Variants in KIF14 observed in about 807,000 individuals in gnomAD.
KIF14 encodes the protein kinesin family member 14.
A neutral mutation model predicts 176.2 loss-of-function variants in KIF14; 98 were observed. The ratio of observed to expected loss-of-function variants is 0.56; its 90% CI spans 0.47 to 0.66. The LOEUF is 0.66. Among genes scored for constraint, KIF14 ranks in the 30% least tolerant of loss-of-function variants. The pLI, the probability that KIF14 is intolerant of heterozygous loss-of-function variation, is 0.00. For missense variants in KIF14, 1,751 were observed against 1,920.4 expected, an observed-to-expected ratio of 0.91 and a Z score of 1.65; for synonymous variants, 566 against 632.2, an observed-to-expected ratio of 0.90 and a Z score of 1.57.
intron 2 of KIF14, 34 bp from the exon 3 acceptor site, chr1:200,615,643 C>T (rs1292946566): frequency 1.9e-6 from 3 of 1,561,416 alleles, no homozygotes; most frequent in Non-Finnish European, 2.6e-6. Context: ...AATCAAGTAA[C>T]TAAAATGATC....
chr1:200,587,848 GT>G (rs1014549727), intron 18 of KIF14, among the ~76,000 whole-genome samples: 1 of 152,038 alleles, frequency 6.6e-6, no homozygotes, highest in South Asian at 2.1e-4. Flanking sequence ...AATCATAATT[GT>G]TTTTCAAGAT....
chr1:200,580,210 T>C, intron 21 of KIF14, 44 bp downstream of exon 21: 1 of 1,102,630 alleles, frequency 9.1e-7, no homozygotes, highest in Non-Finnish European at 1.2e-6. Context: ...TTTTATACTT[T>C]TTTATTTTAA....
chr1:200,559,873 G>C (rs536632903), intron 26 of KIF14, among the ~76,000 whole-genome samples: 1 of 151,752 alleles, frequency 6.6e-6, no homozygotes, highest in East Asian at 1.9e-4. Flanking sequence ...TCCTATCTCA[G>C]CCTCCTGAGT....
At chr1:200,616,179 C>T (rs769998560) in intron 2 of KIF14, among the ~76,000 whole-genome samples, 2 of 152,146 alleles carry the variant, frequency 1.3e-5, no homozygotes, top group African/African-American at 2.4e-5. Context: ...TTTAGATCTA[C>T]AGAAAAACAT....
chr1:200,555,677 T>C (rs1478974479), intron 27 of KIF14, among the ~76,000 whole-genome samples: 1 of 152,136 alleles, frequency 6.6e-6, no homozygotes, highest in Non-Finnish European at 1.5e-5. Context: ...ATAAGTTTAT[T>C]TCACTTTTAA....
intron 14 of KIF14, among the ~76,000 whole-genome samples, chr1:200,597,326 AC>A (rs1659403686): frequency 6.6e-6 from 1 of 152,216 alleles, no homozygotes; most frequent in Admixed American, 6.5e-5. Context: ...AGATATTTAT[AC>A]CAAAAAGCTC....
At chr1:200,586,816 T>TATATATATATATATATATAC (rs1335109060) in intron 18 of KIF14, among the ~76,000 whole-genome samples, 15 of 138,218 alleles carry the variant, frequency 1.1e-4, no homozygotes, top group Admixed American at 5.2e-4. Context: ...TATATATATA[T>TATATATATATATATATATAC]ACACCATGAA....
chr1:200,602,135 C>A, intron 10 of KIF14, 67 bp from the exon 11 acceptor site: 1 of 1,385,736 alleles, frequency 7.2e-7, no homozygotes, highest in Non-Finnish European at 1.0e-6. Flanking sequence ...ATCTAGAAAG[C>A]ACAAAACAAA....
At chr1:200,612,000 C>CTTTTTTT (rs79821962) in intron 4 of KIF14, among the ~76,000 whole-genome samples, 3 of 148,614 alleles carry the variant, frequency 2.0e-5, no homozygotes. Context: ...AGTCCATGCT[C>CTTTTTTT]TTTTTTTTTT....
chr1:200,581,761 C>CTTT (rs66935478), intron 19 of KIF14, among the ~76,000 whole-genome samples: 37 of 83,042 alleles, frequency 4.5e-4, no homozygotes, highest in African/African-American at 1.1e-3. Flanking sequence ...TTTCACTTTC[C>CTTT]TTTTTTTTTT....
chr1:200,553,382 C>T lies in KIF14; in HGVS notation c.*6G>A. ...GGTGGTCATAAAAGTGCCTACACAT[C>T]AGTATTCACACCCACTGAATCCTAC... On this transcript the variant is annotated 3_prime_UTR_variant, in exon 30 of 30. Coordinates refer to ENST00000367350, the MANE Select transcript of KIF14 (RefSeq NM_014875.3). 2.5e-6 allele frequency: 4 copies of T among 1,576,210 alleles called. No individual in the cohort carries two copies. The highest frequency in any genetic ancestry group is 3.4e-6 in the Non-Finnish European group (4 of 1,163,346).
At chr1:200,606,889 G>A (rs1266080646) in intron 5 of KIF14, 91 bp from the exon 6 acceptor site, 12 of 1,048,660 alleles carry the variant, frequency 1.1e-5, no homozygotes, top group Non-Finnish European at 1.8e-5. Flanking sequence ...TGAGTTTAAG[G>A]TAAGAGATTT....
Position 200,618,143 on chromosome 1 carries a change from T to C in KIF14, c.581A>G (p.Lys194Arg). ...DPQVIEMMAD[K>R]KYKETFSAPS... is the part of the protein sequence containing the mutation. ...GGCAGAAAATGTTTCTTTGTATTTCTTATCAGCCATCATTTCAATGACCTG... is the reference window on the plus strand; with the variant it reads ...GGCAGAAAATGTTTCTTTGTATTTCCTATCAGCCATCATTTCAATGACCTG... The change falls in exon 2 of 30, where the codon AAG becomes AGG. Residue 194 changes from lysine (K) to arginine (R), a missense_variant. Lys to Arg is a conservative substitution (Grantham distance 26). Coordinates refer to ENST00000367350, the MANE Select transcript of KIF14 (RefSeq NM_014875.3). The C allele has an allele frequency of 6.2e-7, 1 of 1,614,074 alleles. No individual in the cohort carries two copies. The highest frequency in any genetic ancestry group is 8.5e-7 in the Non-Finnish European group (1 of 1,180,008).
chr1:200,614,127 C>A lies in KIF14; in HGVS notation c.1455+191G>T, dbSNP rs116756958. Among the ~76,000 whole-genome samples, 1,355 of 152,274 alleles carry A rather than the reference C, an allele frequency of 8.9e-3. 14 individuals carry two copies. Among genetic ancestry groups the A allele is most frequent in the African/African-American group, 0.029 (1,219 of 41,536 alleles). ...GAAGAGATGACTTCACTATCACTGC[C>A]CACTAGGTGAAACTGATTCTGAATT... On this transcript the variant is annotated intron_variant, in intron 4 of 29. Transcript: ENST00000367350.
intron 5 of KIF14, 87 bp from the exon 6 acceptor site, chr1:200,606,885 T>C: frequency 9.2e-7 from 1 of 1,088,450 alleles, no homozygotes; most frequent in Non-Finnish European, 1.4e-6. Context: ...ATCTTGAGTT[T>C]AAGGTAAGAG....
chr1:200,597,773 C>T (rs1659425781), intron 14 of KIF14, among the ~76,000 whole-genome samples: 1 of 152,098 alleles, frequency 6.6e-6, no homozygotes, highest in Non-Finnish European at 1.5e-5. Flanking sequence ...GAAAATAAAA[C>T]AGGAACCAAT....
intron 13 of KIF14, among the ~76,000 whole-genome samples, chr1:200,598,838 C>T (rs1274552637): frequency 5.3e-5 from 8 of 152,122 alleles, no homozygotes; most frequent in Non-Finnish European, 1.0e-4. Flanking sequence ...GAATTACAGG[C>T]GTGAGCCACC....
chr1:200,617,841 G>T lies in KIF14; in HGVS notation c.883C>A (p.Gln295Lys). ...ATTGATGGAGCTGGGCTCTTAAGCT[G>T]AGGCAGGCTGCACTTTGTTGTCAGT... ...HKLTTKCSLP[Q>K]LKSPAPSILK... is the part of the protein sequence containing the mutation. Residue 295 changes from glutamine to lysine, a missense_variant, in exon 2 of 30, where the codon CAG becomes AAG. Physicochemically the swap from Gln to Lys is moderately conservative, Grantham distance 53. Coordinates refer to ENST00000367350, the MANE Select transcript of KIF14 (RefSeq NM_014875.3). The T allele has an allele frequency of 6.2e-7, 1 of 1,614,162 alleles. No homozygotes were observed. Among genetic ancestry groups the T allele is most frequent in the Non-Finnish European group, 8.5e-7 (1 of 1,180,032 alleles).
intron 23 of KIF14, 22 bp from the exon 24 acceptor site, chr1:200,565,691 A>G (rs1352876183): frequency 6.8e-7 from 1 of 1,474,558 alleles, no homozygotes; most frequent in East Asian, 2.3e-5. Context: ...GAAAATAGCC[A>G]TTTTAAGCTT....
Sources: allele counts gnomAD v4.1 joint callset (sites outside exome capture counted in the v4.1 genomes callset), GRCh38; gene constraint gnomAD v4.1.1; transcripts MANE v1.5; gene names NCBI Gene and HGNC (gene_info 2026-07-23, HGNC 2026-07-21).